Variants in CDH8 observed in about 807,000 individuals in gnomAD.
The protein encoded by CDH8 is cadherin-8.
A neutral mutation model predicts 68.1 loss-of-function variants in CDH8; 17 were observed. The ratio of observed to expected loss-of-function variants is 0.25; its 90% CI spans 0.17 to 0.37. CDH8 has a LOEUF of 0.37. Ranked by LOEUF, CDH8 falls within the 10% of genes least tolerant of loss-of-function variation. The probability of loss-of-function intolerance (pLI) is 1.00; values close to 1 mark genes in which losing one functional copy is unlikely to be tolerated. For missense variants in CDH8, 763 were observed against 999.3 expected (o/e 0.76, Z 3.19); for synonymous variants, 372 against 365.1 (o/e 1.02, Z -0.21).
chr16:61,867,560 G>A (rs1963280189), intron 3 of CDH8, among the ~76,000 whole-genome samples: 1 of 152,054 alleles, frequency 6.6e-6, no homozygotes, highest in Admixed American at 6.6e-5. Flanking sequence ...TCACAGGTGG[G>A]GCTGCAAATC....
intron 7 of CDH8, among the ~76,000 whole-genome samples, chr16:61,799,625 G>A (rs1473916867): frequency 2.0e-5 from 3 of 151,920 alleles, no homozygotes; most frequent in Admixed American, 2.0e-4. Context: ...ATTAAATGTT[G>A]GAAAGTTATG....
intron 1 of CDH8, among the ~76,000 whole-genome samples, chr16:62,035,454 G>C (rs868785871): frequency 3.7e-4 from 57 of 152,294 alleles, no homozygotes; most frequent in African/African-American, 1.4e-3. Context: ...TCCGGAGCCC[G>C]GCAAGTTTGT....
intron 3 of CDH8, among the ~76,000 whole-genome samples, chr16:61,892,174 T>C (rs117021519): frequency 0.016 from 2,472 of 152,312 alleles, 36 homozygotes; most frequent in Non-Finnish European, 0.022. Context: ...CCTGTAGTCA[T>C]CATAATTTAC....
At chr16:61,831,307 TAGA>T (rs1221592328) in intron 4 of CDH8, among the ~76,000 whole-genome samples, 1 of 151,784 alleles carries the variant, frequency 6.6e-6, no homozygotes, top group Non-Finnish European at 1.5e-5. Context: ...TGAATTCTAG[TAGA>T]AGAATTACAA....
chr16:61,857,240 T>A lies in CDH8; in HGVS notation c.548-2A>T. 1 of 1,609,852 alleles carries A rather than the reference T, an allele frequency of 6.2e-7. No individual in the cohort carries two copies. Among genetic ancestry groups the A allele is most frequent in the Non-Finnish European group, 8.5e-7 (1 of 1,176,900 alleles). On this transcript the variant is annotated splice_acceptor_variant, in intron 3 of 11. Transcript: ENST00000577390. LOFTEE classifies it high-confidence loss of function. The stretch of plus-strand genomic sequence containing the variant: ...CAGTGACGTTAGTGACAGATGTACC[T>A]AATAAAATAGAGAAAGAAAAAAGAT...
At chr16:61,703,824 G>C (rs1964480389) in intron 10 of CDH8, among the ~76,000 whole-genome samples, 1 of 151,640 alleles carries the variant, frequency 6.6e-6, no homozygotes, top group African/African-American at 2.4e-5. Context: ...CTGGGCCACA[G>C]ACTCCATATA....
chr16:61,897,618 C>T (rs1343804578), intron 3 of CDH8, among the ~76,000 whole-genome samples: 1 of 152,126 alleles, frequency 6.6e-6, no homozygotes, highest in Non-Finnish European at 1.5e-5. Flanking sequence ...ATAGGCTTGG[C>T]ATGAAGATGT....
At chr16:61,826,224 A>C (rs1263078611) in intron 4 of CDH8, among the ~76,000 whole-genome samples, 1 of 151,852 alleles carries the variant, frequency 6.6e-6, no homozygotes, top group Non-Finnish European at 1.5e-5. Flanking sequence ...CACTGCATAG[A>C]AGTTCACCTC....
chr16:61,953,895 TTA>T (rs66743095), intron 2 of CDH8, among the ~76,000 whole-genome samples: 47,900 of 118,268 alleles, frequency 0.41, 10,050 homozygotes, highest in Non-Finnish European at 0.47. Flanking sequence ...AAAAAAAACT[TTA>T]TATATATATA....
intron 2 of CDH8, among the ~76,000 whole-genome samples, chr16:61,914,204 C>T (rs1423396017): frequency 1.3e-5 from 2 of 152,298 alleles, no homozygotes; most frequent in South Asian, 2.1e-4. Context: ...GGACTTCTAG[C>T]CTCCAGCACC....
intron 7 of CDH8, among the ~76,000 whole-genome samples, chr16:61,791,475 T>TA (rs1368693449): frequency 6.6e-6 from 1 of 152,028 alleles, no homozygotes; most frequent in East Asian, 1.9e-4. Flanking sequence ...TTAAAAAAGC[T>TA]AAAAAATGTC....
Position 61,651,060 on chromosome 16 carries a change from A to C in CDH8, c.*2548T>G, listed in dbSNP as rs1963312260. On this transcript the variant is annotated 3_prime_UTR_variant, in exon 12 of 12. Transcript: ENST00000577390. ...CAATATTTGAGGATACAGATTTTAT[A>C]CTCCTTAAAAAATACTGTAATTATT... 1 of 151,988 alleles carries C rather than the reference A, an allele frequency of 6.6e-6. No homozygotes were observed. 9.4% of individuals were successfully genotyped at this position (151,988 alleles called of 1,614,324 possible). A position where few individuals can be genotyped will look rare whatever the true frequency, so the allele number is the denominator to read the frequency against.
intron 2 of CDH8, among the ~76,000 whole-genome samples, chr16:62,014,465 C>A (rs774149560): frequency 6.6e-6 from 1 of 152,116 alleles, no homozygotes; most frequent in Admixed American, 6.5e-5. Flanking sequence ...ATGGAACTGA[C>A]AGTGAATTGT....
intron 2 of CDH8, among the ~76,000 whole-genome samples, chr16:61,972,569 TGG>T: frequency 1.0e-5 from 1 of 98,192 alleles, no homozygotes; most frequent in Admixed American, 1.0e-4. Flanking sequence ...GAACACATTG[TGG>T]GTGTGTGTGT....
chr16:61,924,008 G>T (rs1182065433), intron 2 of CDH8, among the ~76,000 whole-genome samples: 1 of 147,618 alleles, frequency 6.8e-6, no homozygotes, highest in Non-Finnish European at 1.5e-5. Context: ...TTTGGGATGG[G>T]ACCAAAAAAA....
intron 8 of CDH8, among the ~76,000 whole-genome samples, chr16:61,784,159 A>G (rs1004924845): frequency 6.6e-5 from 10 of 151,622 alleles, no homozygotes; most frequent in African/African-American, 2.4e-4. Context: ...ATAAAGAGTC[A>G]AGACCCATCA....
In CDH8 at chr16:61,960,806, A is replaced by T. The variant is rs74808080; in HGVS notation, c.253-59333T>A. Among the ~76,000 whole-genome samples, 483 of 152,220 alleles carry T rather than the reference A, an allele frequency of 3.2e-3. 7 individuals are homozygous for T. The highest frequency in any genetic ancestry group is 0.021 in the East Asian group (110 of 5,162). ...TGAAGAGTATACTTCATCCTTTTAAAAAAATATATTGCCAGACCTCTCGCT... is the reference window on the plus strand; with the variant it reads ...TGAAGAGTATACTTCATCCTTTTAATAAAATATATTGCCAGACCTCTCGCT... On this transcript the variant is annotated intron_variant, in intron 2 of 11. Transcript: ENST00000577390.
Position 61,888,997 on chromosome 16 carries a change from T to G in CDH8, c.547+12182A>C, listed in dbSNP as rs149292019. ...CAAAAGGAAAATGAATGAAATCAGCTGCAACAGTAGCACAAATATGATTAG... is the reference window on the plus strand; with the variant it reads ...CAAAAGGAAAATGAATGAAATCAGCGGCAACAGTAGCACAAATATGATTAG... On this transcript the variant is annotated intron_variant, in intron 3 of 11. Coordinates refer to ENST00000577390, the MANE Select transcript of CDH8 (RefSeq NM_001796.5). Among the ~76,000 whole-genome samples the G allele has an allele frequency of 5.8e-3, 883 of 152,294 alleles. 5 individuals are homozygous for G. Among genetic ancestry groups the G allele is most frequent in the African/African-American group, 0.02 (851 of 41,564 alleles).
In CDH8 at chr16:61,647,601, G is replaced by C; in HGVS notation, c.*6007C>G. 1 of 549,406 alleles carries C rather than the reference G, an allele frequency of 1.8e-6. No individual in the cohort carries two copies. The highest frequency in any genetic ancestry group is 3.2e-6 in the Non-Finnish European group (1 of 309,638). 34.0% of individuals were successfully genotyped at this position (549,406 alleles called of 1,614,324 possible). ...TTTGCATGTACAGAAGAAATCCCAAGAAATTAACATTTGGCTTTGGGGGGT... is the reference window on the plus strand; with the variant it reads ...TTTGCATGTACAGAAGAAATCCCAACAAATTAACATTTGGCTTTGGGGGGT... On this transcript the variant is annotated 3_prime_UTR_variant, in exon 12 of 12. Coordinates refer to ENST00000577390, the MANE Select transcript of CDH8 (RefSeq NM_001796.5).
Sources: gnomAD v4.1 joint callset for allele counts (sites outside exome capture counted in the v4.1 genomes callset) on GRCh38, gnomAD v4.1.1 for gene constraint, MANE v1.5 for transcripts, NCBI Gene and HGNC (gene_info 2026-07-23, HGNC 2026-07-21) for gene names.